The following SLCO3A1 variants were observed in gnomAD, a reference collection of about 807,000 sequenced individuals.
SLCO3A1 encodes solute carrier organic anion transporter family member 3A1, also known as PGE1 transporter.
SLCO3A1 carries 27 observed loss-of-function variants against 63.1 expected under a neutral mutation model. The observed-to-expected ratio is 0.43, with a 90% CI of 0.32 to 0.59. The LOEUF (loss-of-function observed/expected upper bound fraction) is 0.59. Ranked by LOEUF, SLCO3A1 falls within the 20% of genes least tolerant of loss-of-function variation. The probability of loss-of-function intolerance (pLI) is 0.09; values close to 1 mark genes in which losing one functional copy is unlikely to be tolerated. For missense variants in SLCO3A1, 773 were observed against 945.8 expected, an observed-to-expected ratio of 0.82 and a Z score of 2.40; for synonymous variants, 473 against 409.9, an observed-to-expected ratio of 1.15 and a Z score of -1.86.
intron 2 of SLCO3A1, among the ~76,000 whole-genome samples, chr15:91,997,477 G>A (rs995564574): frequency 1.1e-4 from 16 of 152,090 alleles, no homozygotes; most frequent in Admixed American, 9.2e-4. Flanking sequence ...AACTACCAAC[G>A]TCATTTTTCA....
chr15:92,146,852 G>A (rs779503185), intron 7 of SLCO3A1, 132 bp from the exon 8 acceptor site: 56 of 760,954 alleles, frequency 7.4e-5, no homozygotes, highest in Non-Finnish European at 9.2e-5. Flanking sequence ...TAACTAACTC[G>A]TTTATTCAGG....
intron 2 of SLCO3A1, among the ~76,000 whole-genome samples, chr15:91,988,068 A>G (rs964862444): frequency 6.6e-6 from 1 of 152,182 alleles, no homozygotes; most frequent in Admixed American, 6.5e-5. Flanking sequence ...TTACAGATGC[A>G]GGCTTTTCTA....
At chr15:92,016,249 A>ATTGATTGAT (rs760444414) in intron 2 of SLCO3A1, among the ~76,000 whole-genome samples, 1 of 58,432 alleles carries the variant, frequency 1.7e-5, no homozygotes, top group Non-Finnish European at 2.9e-5. Flanking sequence ...AGATAGATAG[A>ATTGATTGAT]TAGATTAGAT....
At chr15:92,066,309 G>C (rs1224330914) in intron 2 of SLCO3A1, among the ~76,000 whole-genome samples, 2 of 152,188 alleles carry the variant, frequency 1.3e-5, no homozygotes, top group Non-Finnish European at 2.9e-5. Context: ...TTCAAATCCT[G>C]GCTTCACCAG....
chr15:91,868,463 A>C (rs1364068777), intron 1 of SLCO3A1, among the ~76,000 whole-genome samples: 1 of 88,348 alleles, frequency 1.1e-5, no homozygotes, highest in Non-Finnish European at 2.6e-5. Flanking sequence ...TAGATAACAT[A>C]AAAAAAAATC....
At chr15:91,924,691 A>G (rs1301194646) in intron 2 of SLCO3A1, among the ~76,000 whole-genome samples, 2 of 152,188 alleles carry the variant, frequency 1.3e-5, no homozygotes, top group Non-Finnish European at 2.9e-5. Context: ...GAGTGAGGGT[A>G]ACACCACTGC....
rs1320690447 is a variant in SLCO3A1 at position 92,047,486 on chromosome 15, T to TATA, written c.647-47394_647-47392dup. On this transcript the variant is annotated intron_variant, in intron 2 of 9. Transcript: ENST00000318445. The stretch of plus-strand genomic sequence containing the variant: ...TATAATATATAAATATATATAAATA[T>TATA]ATATATAAATATATATAAATATATA... Among the ~76,000 whole-genome samples, 101 of 18,840 alleles carry TATA rather than the reference T, an allele frequency of 5.4e-3. 10 individuals carry two copies. The highest frequency in any genetic ancestry group is 0.011 in the African/African-American group (57 of 4,998). 12.4% of individuals were successfully genotyped at this position (18,840 alleles called of 152,430 possible). A position where few individuals can be genotyped will look rare whatever the true frequency, so the allele number is the denominator to read the frequency against.
intron 5 of SLCO3A1, among the ~76,000 whole-genome samples, chr15:92,121,188 G>A (rs34609355): frequency 0.83 from 126,426 of 152,214 alleles, 53,476 homozygotes; most frequent in Non-Finnish European, 0.9. Flanking sequence ...AAGAAAACCA[G>A]TTTGCACTCA....
At chr15:92,046,180 A>G (rs1046528961) in intron 2 of SLCO3A1, among the ~76,000 whole-genome samples, 2 of 152,258 alleles carry the variant, frequency 1.3e-5, no homozygotes, top group South Asian at 2.1e-4. Context: ...ATTGTAAGCT[A>G]TATTGGACAG....
chr15:91,893,067 G>A (rs1897912159), intron 1 of SLCO3A1, among the ~76,000 whole-genome samples: 1 of 152,182 alleles, frequency 6.6e-6, no homozygotes, highest in Admixed American at 6.5e-5. Context: ...ATAATTTCTA[G>A]AACTCAAATA....
intron 2 of SLCO3A1, among the ~76,000 whole-genome samples, chr15:92,052,265 T>TTC (rs1050201535): frequency 2.0e-4 from 30 of 152,286 alleles, no homozygotes; most frequent in African/African-American, 7.0e-4. Context: ...TTGTATCAAG[T>TTC]TCTCTCTCTC....
chr15:92,019,259 T>C (rs534971833), intron 2 of SLCO3A1, among the ~76,000 whole-genome samples: 6 of 152,292 alleles, frequency 3.9e-5, no homozygotes, highest in African/African-American at 1.4e-4. Context: ...TCTGTGACCC[T>C]GGGCAAGCTA....
At chr15:92,058,759 TCTTAGGGTTAA>T (rs2047051608) in intron 2 of SLCO3A1, among the ~76,000 whole-genome samples, 1 of 152,100 alleles carries the variant, frequency 6.6e-6, no homozygotes, top group African/African-American at 2.4e-5. Flanking sequence ...GATCAAGGTG[TCTTAGGGTTAA>T]CTTCTTCTGG....
intron 1 of SLCO3A1, among the ~76,000 whole-genome samples, chr15:91,914,665 G>A (rs1898596135): frequency 6.6e-6 from 1 of 151,538 alleles, no homozygotes; most frequent in African/African-American, 2.4e-5. Context: ...CGCCTCCAGG[G>A]TTCAAGCAAT....
intron 1 of SLCO3A1, among the ~76,000 whole-genome samples, chr15:91,891,233 T>G (rs1228792644): frequency 6.6e-6 from 1 of 152,032 alleles, no homozygotes; most frequent in Non-Finnish European, 1.5e-5. Flanking sequence ...ACAGGTACCG[T>G]AGCTTCAGGA....
At chr15:91,978,560 T>A (rs1597181293) in intron 2 of SLCO3A1, among the ~76,000 whole-genome samples, 2 of 152,322 alleles carry the variant, frequency 1.3e-5, no homozygotes, top group East Asian at 3.8e-4. Flanking sequence ...GGGCTCATAG[T>A]ACAAATGTGT....
intron 4 of SLCO3A1, among the ~76,000 whole-genome samples, chr15:92,117,305 G>A (rs894217830): frequency 6.6e-6 from 1 of 152,166 alleles, no homozygotes; most frequent in Admixed American, 6.5e-5. Context: ...AAATGCTGGA[G>A]GTATCAGCCT....
Position 91,854,394 on chromosome 15 carries a change from A to G in SLCO3A1, c.180+306A>G, listed in dbSNP as rs1488249866. ...CGTGAAACTATTCCTCTCCCCCCAT[A>G]AGAGCGGAGCGAGACGGTGAGTTCA... On this transcript the variant is annotated intron_variant, in intron 1 of 9. Transcript: ENST00000318445. The surrounding 1 kb of genome is among the most constrained non-coding windows in gnomAD (Gnocchi z 6.4). The G allele has an allele frequency of 1.2e-4, 125 of 1,045,722 alleles. No individual in the cohort carries two copies. Among genetic ancestry groups the G allele is most frequent in the Non-Finnish European group, 1.4e-4 (124 of 867,004 alleles). The allele number at this position is 1,045,722 out of a possible 1,614,324, so 64.8% of individuals were successfully genotyped here.
chr15:91,913,540 G>A (rs1463524523), intron 1 of SLCO3A1, among the ~76,000 whole-genome samples: 1 of 152,188 alleles, frequency 6.6e-6, no homozygotes, highest in African/African-American at 2.4e-5. Context: ...CAAGGAGTTT[G>A]TTTAAATATG....
Sources: allele counts gnomAD v4.1 joint callset (sites outside exome capture counted in the v4.1 genomes callset), GRCh38; gene constraint gnomAD v4.1.1; non-coding constraint Gnocchi (gnomAD v3.1); transcripts MANE v1.5; gene names NCBI Gene and HGNC (gene_info 2026-07-23, HGNC 2026-07-21).